The following FTO variants were observed in gnomAD, a reference collection of about 807,000 sequenced individuals.
FTO encodes FTO alpha-ketoglutarate dependent dioxygenase.
Under a neutral mutation model 63.9 loss-of-function variants are expected in FTO, and 47 were observed. The ratio of observed to expected loss-of-function variants is 0.74; its 90% CI spans 0.58 to 0.94. The LOEUF is 0.94. Among genes scored for constraint, FTO ranks in the 40% least tolerant of loss-of-function variants. The pLI, the probability that FTO is intolerant of heterozygous loss-of-function variation, is 0.00. For synonymous variants in FTO, 207 were observed against 224.4 expected (o/e 0.92, Z 0.69); for missense variants, 562 against 618.1 (o/e 0.91, Z 0.96).
chr16:53,728,649 G>A (rs76519473), intron 1 of FTO, among the ~76,000 whole-genome samples: 2,136 of 152,210 alleles, frequency 0.014, 28 homozygotes, highest in Middle Eastern at 0.075. Context: ...AGTTATTTTG[G>A]TTGGTCACAG....
chr16:53,896,213 T>C (rs2081275979), intron 7 of FTO, among the ~76,000 whole-genome samples: 1 of 152,120 alleles, frequency 6.6e-6, no homozygotes, highest in East Asian at 1.9e-4. Flanking sequence ...GCATTTCAGA[T>C]ATGAATTAAG....
chr16:54,094,208 A>C (rs2086460331), intron 8 of FTO, among the ~76,000 whole-genome samples: 1 of 152,126 alleles, frequency 6.6e-6, no homozygotes, highest in Non-Finnish European at 1.5e-5. Context: ...CCAGGTGGGA[A>C]ACTTGTGGTT....
intron 8 of FTO, among the ~76,000 whole-genome samples, chr16:53,995,374 G>C (rs2083910479): frequency 6.6e-6 from 1 of 151,974 alleles, no homozygotes; most frequent in South Asian, 2.1e-4. Flanking sequence ...AAGCTTTTTT[G>C]CCATTTTAAA....
At chr16:53,993,381 G>C (rs2083858679) in intron 8 of FTO, 1 of 152,118 alleles carries the variant, frequency 6.6e-6, no homozygotes, top group South Asian at 2.1e-4. Context: ...ATGGTTGACT[G>C]GTCGATGTTT....
At chr16:54,056,006 G>A (rs1305325737) in intron 8 of FTO, among the ~76,000 whole-genome samples, 1 of 152,192 alleles carries the variant, frequency 6.6e-6, no homozygotes, top group Non-Finnish European at 1.5e-5. Context: ...ACAATCTCTG[G>A]TTCTTTCCTA....
intron 1 of FTO, among the ~76,000 whole-genome samples, chr16:53,708,853 A>AT (rs548324879): frequency 3.2e-4 from 49 of 152,188 alleles, no homozygotes; most frequent in African/African-American, 1.1e-3. Context: ...ATCTTTGCCC[A>AT]TTTTTTTGTT....
chr16:53,993,140 T>C (rs1284489248), intron 8 of FTO: 1 of 152,234 alleles, frequency 6.6e-6, no homozygotes, highest in Non-Finnish European at 1.5e-5. Flanking sequence ...TTTTAAAATG[T>C]CTTCAATCGT....
chr16:54,115,712 G>A lies in FTO; in HGVS notation c.*3797G>A, dbSNP rs1166256276. On this transcript the variant is annotated 3_prime_UTR_variant, in exon 9 of 9. Coordinates refer to ENST00000471389, the MANE Select transcript of FTO (RefSeq NM_001080432.3). ...GGGCAGAGCAGACGGGAGCCGCTCG[G>A]GTTTTATTCCACACACCCCAGGAAG... The A allele has an allele frequency of 6.6e-6, 1 of 152,250 alleles. No homozygotes were observed. The highest frequency in any genetic ancestry group is 1.5e-5 in the Non-Finnish European group (1 of 68,170). The allele number at this position is 152,250 out of a possible 1,614,324, so 9.4% of individuals were successfully genotyped here. A position where few individuals can be genotyped will look rare whatever the true frequency, so the allele number is the denominator to read the frequency against.
intron 8 of FTO, among the ~76,000 whole-genome samples, chr16:54,053,175 A>G (rs753765323): frequency 2.0e-5 from 3 of 152,168 alleles, no homozygotes; most frequent in Non-Finnish European, 2.9e-5. Context: ...CTCTGCAGAG[A>G]TGAAATTGCC....
intron 7 of FTO, among the ~76,000 whole-genome samples, chr16:53,932,911 T>C (rs2082315262): frequency 6.6e-6 from 1 of 152,166 alleles, no homozygotes; most frequent in Non-Finnish European, 1.5e-5. Flanking sequence ...AAGAATCAAT[T>C]TGGTCTGGCC....
intron 7 of FTO, among the ~76,000 whole-genome samples, chr16:53,912,693 G>C (rs1399436819): frequency 2.0e-5 from 3 of 152,164 alleles, no homozygotes; most frequent in African/African-American, 7.2e-5. Context: ...GTTCATTTCT[G>C]CTGGCCATGA....
At chr16:53,823,079 C>T (rs893558965) in intron 2 of FTO, among the ~76,000 whole-genome samples, 1 of 152,170 alleles carries the variant, frequency 6.6e-6, no homozygotes, top group Non-Finnish European at 1.5e-5. Flanking sequence ...CATCTCACTT[C>T]CTCCTCTTTC....
intron 7 of FTO, among the ~76,000 whole-genome samples, chr16:53,899,803 T>C (rs985665499): frequency 6.6e-6 from 1 of 152,154 alleles, no homozygotes; most frequent in Non-Finnish European, 1.5e-5. Context: ...TGGAAAGCTT[T>C]AAAGGATGAC....
At chr16:53,776,501 C>T (rs2077462921) in intron 1 of FTO, among the ~76,000 whole-genome samples, 1 of 152,112 alleles carries the variant, frequency 6.6e-6, no homozygotes. Context: ...CTTTTATACT[C>T]CTAAAAATTG....
At chr16:53,894,721 C>T (rs1449521368) in intron 7 of FTO, among the ~76,000 whole-genome samples, 3 of 151,996 alleles carry the variant, frequency 2.0e-5, no homozygotes, top group African/African-American at 7.2e-5. Flanking sequence ...AATCCAGTCT[C>T]CCATTTTTCA....
intron 8 of FTO, among the ~76,000 whole-genome samples, chr16:54,027,224 C>T (rs977892832): frequency 1.3e-5 from 2 of 152,246 alleles, no homozygotes; most frequent in Middle Eastern, 3.4e-3. Context: ...ATTTTGAGTA[C>T]TTAGTATCCT....
intron 1 of FTO, 74 bp from the exon 2 acceptor site, chr16:53,810,066 A>T: frequency 1.0e-6 from 1 of 1,004,442 alleles, no homozygotes; most frequent in Non-Finnish European, 1.6e-6. Context: ...GTATTCTCTT[A>T]TTGGAAAAAT....
At chr16:53,768,578 A>G (rs1306443512) in intron 1 of FTO, among the ~76,000 whole-genome samples, 1 of 151,970 alleles carries the variant, frequency 6.6e-6, no homozygotes, top group Non-Finnish European at 1.5e-5. Context: ...CAAAGGGGCA[A>G]CTCCGTGTAG....
chr16:53,808,198 T>A (rs2078421335), intron 1 of FTO, among the ~76,000 whole-genome samples: 1 of 151,900 alleles, frequency 6.6e-6, no homozygotes, highest in Admixed American at 6.6e-5. Flanking sequence ...CCAGGCATGG[T>A]GGCATTGCAC....
Sources: gnomAD v4.1 joint callset for allele counts (sites outside exome capture counted in the v4.1 genomes callset) on GRCh38, gnomAD v4.1.1 for gene constraint, MANE v1.5 for transcripts, NCBI Gene and HGNC (gene_info 2026-07-23, HGNC 2026-07-21) for gene names.